The following SIPA1L1 variants were observed in gnomAD, a reference collection of about 807,000 sequenced individuals.
SIPA1L1 encodes the protein signal-induced proliferation-associated 1-like protein 1.
Under a neutral mutation model 162.7 loss-of-function variants are expected in SIPA1L1, and 26 were observed. The observed-to-expected ratio is 0.16, with a 90% CI of 0.12 to 0.22. The LOEUF (loss-of-function observed/expected upper bound fraction) is 0.22, where lower values mean the gene tolerates loss of function less well. Among genes scored for constraint, SIPA1L1 ranks in the 10% least tolerant of loss-of-function variants. The probability of loss-of-function intolerance (pLI) is 1.00; values close to 1 mark genes in which losing one functional copy is unlikely to be tolerated. For missense variants in SIPA1L1, 1,874 were observed against 2,241.0 expected (o/e 0.84, Z 3.31); for synonymous variants, 829 against 837.4 (o/e 0.99, Z 0.17).
At chr14:71,598,562 C>A (rs945895490) in intron 5 of SIPA1L1, among the ~76,000 whole-genome samples, 1 of 152,146 alleles carries the variant, frequency 6.6e-6, no homozygotes, top group Non-Finnish European at 1.5e-5. Flanking sequence ...CTCTTCAAAG[C>A]TGTCAAGGTC....
intron 2 of SIPA1L1, among the ~76,000 whole-genome samples, chr14:71,479,193 G>A (rs1196451531): frequency 3.3e-5 from 5 of 152,114 alleles, no homozygotes; most frequent in Middle Eastern, 3.4e-3. Flanking sequence ...GCCTGCTATC[G>A]TTTACTTTTC....
chr14:71,552,159 T>A (rs1303890203), intron 4 of SIPA1L1, among the ~76,000 whole-genome samples: 1 of 152,162 alleles, frequency 6.6e-6, no homozygotes, highest in African/African-American at 2.4e-5. Context: ...CCAGAAAATA[T>A]TATTAATTGT....
At chr14:71,659,348 C>G (rs967418045) in intron 9 of SIPA1L1, among the ~76,000 whole-genome samples, 1 of 152,174 alleles carries the variant, frequency 6.6e-6, no homozygotes, top group African/African-American at 2.4e-5. Context: ...TAATCTAACA[C>G]TTTATCAGTT....
intron 2 of SIPA1L1, among the ~76,000 whole-genome samples, chr14:71,449,624 T>C (rs2045665475): frequency 6.6e-6 from 1 of 152,212 alleles, no homozygotes; most frequent in African/African-American, 2.4e-5. Flanking sequence ...CTTAATTCTA[T>C]CTTAGGAACG....
intron 13 of SIPA1L1, among the ~76,000 whole-genome samples, chr14:71,689,860 A>C (rs1051439591): frequency 4.6e-5 from 7 of 152,138 alleles, no homozygotes; most frequent in Non-Finnish European, 1.0e-4. Context: ...TTCCTTACAG[A>C]CACCAGCACC....
intron 5 of SIPA1L1, among the ~76,000 whole-genome samples, chr14:71,607,014 G>T (rs1186239175): frequency 2.0e-5 from 3 of 151,896 alleles, no homozygotes; most frequent in Non-Finnish European, 4.4e-5. Flanking sequence ...CAAAAGATTG[G>T]CTAGATGATT....
At chr14:71,425,060 C>T (rs1171416508) in intron 2 of SIPA1L1, among the ~76,000 whole-genome samples, 1 of 151,966 alleles carries the variant, frequency 6.6e-6, no homozygotes, top group Admixed American at 6.6e-5. Context: ...CTTCATAGTG[C>T]ACTCTTATAA....
chr14:71,393,074 T>G (rs1595191946), intron 2 of SIPA1L1, among the ~76,000 whole-genome samples: 1 of 152,244 alleles, frequency 6.6e-6, no homozygotes, highest in Non-Finnish European at 1.5e-5. Context: ...TTGGTTGATT[T>G]AAACCTTTGA....
chr14:71,358,686 A>G (rs2037511799), intron 2 of SIPA1L1, among the ~76,000 whole-genome samples: 1 of 152,184 alleles, frequency 6.6e-6, no homozygotes, highest in South Asian at 2.1e-4. Context: ...AGACTGGGTA[A>G]TTTATAAAGA....
chr14:71,715,809 C>T (rs1404068166), intron 17 of SIPA1L1, among the ~76,000 whole-genome samples: 1 of 152,204 alleles, frequency 6.6e-6, no homozygotes, highest in Admixed American at 6.5e-5. Context: ...CATATTTTCT[C>T]TTCTCAAGCA....
At chr14:71,608,274 G>A (rs1446863147) in intron 5 of SIPA1L1, among the ~76,000 whole-genome samples, 5 of 152,174 alleles carry the variant, frequency 3.3e-5, no homozygotes, top group Admixed American at 6.5e-5. Context: ...CCTTGTTAGC[G>A]GTAGTGACTT....
chr14:71,503,508 A>C (rs2050410267), intron 2 of SIPA1L1, among the ~76,000 whole-genome samples: 1 of 152,214 alleles, frequency 6.6e-6, no homozygotes, highest in Non-Finnish European at 1.5e-5. Flanking sequence ...AACATTTAAA[A>C]ATTTGTAGTG....
intron 5 of SIPA1L1, among the ~76,000 whole-genome samples, chr14:71,593,094 C>T (rs924168185): frequency 2.0e-5 from 3 of 152,166 alleles, no homozygotes; most frequent in Non-Finnish European, 4.4e-5. Flanking sequence ...AAGTGATAGC[C>T]ACATCCTCCT....
chr14:71,616,033 G>A (rs920838879), intron 5 of SIPA1L1, among the ~76,000 whole-genome samples: 2 of 152,162 alleles, frequency 1.3e-5, no homozygotes, highest in East Asian at 1.9e-4. Context: ...CCAAAAAAAG[G>A]TCTCAGGCTT....
intron 4 of SIPA1L1, among the ~76,000 whole-genome samples, chr14:71,563,122 A>G (rs1258800302): frequency 1.3e-5 from 2 of 152,208 alleles, no homozygotes; most frequent in African/African-American, 4.8e-5. Context: ...GAGTAGACAT[A>G]CAATAAATAT....
intron 5 of SIPA1L1, among the ~76,000 whole-genome samples, chr14:71,590,036 AAAAAAAAAATAT>A (rs1190788401): frequency 0.012 from 856 of 74,134 alleles, 9 homozygotes; most frequent in African/African-American, 0.037. Context: ...AAAAAAAAAA[AAAAAAAAAATAT>A]ATATATATAT....
intron 12 of SIPA1L1, among the ~76,000 whole-genome samples, chr14:71,674,348 A>G (rs556430015): frequency 3.3e-5 from 5 of 152,148 alleles, no homozygotes; most frequent in African/African-American, 7.2e-5. Flanking sequence ...AGAAAGATGG[A>G]TAAGAGGCCT....
At chr14:71,616,607 T>C (rs1042325975) in intron 5 of SIPA1L1, among the ~76,000 whole-genome samples, 1 of 152,078 alleles carries the variant, frequency 6.6e-6, no homozygotes, top group Non-Finnish European at 1.5e-5. Flanking sequence ...CTTTGGATCA[T>C]ACAGAAAAAG....
Position 71,738,235 on chromosome 14 carries a change from T to C in SIPA1L1, c.5124-6T>C. 1 of 1,596,674 alleles carries C rather than the reference T, an allele frequency of 6.3e-7. No individual in the cohort carries two copies. Among genetic ancestry groups the C allele is most frequent in the Non-Finnish European group, 8.6e-7 (1 of 1,166,468 alleles). ...GCCAACATGGTCTTTTGTTTCTTGT[T>C]CCCAGCAGTAAAGACTCCTCTCCCA... On this transcript the variant is annotated splice_region_variant and splice_polypyrimidine_tract_variant and intron_variant, in intron 22 of 23. Transcript: ENST00000381232.
Sources: allele counts gnomAD v4.1 joint callset (sites outside exome capture counted in the v4.1 genomes callset), GRCh38; gene constraint gnomAD v4.1.1; transcripts MANE v1.5; gene names NCBI Gene and HGNC (gene_info 2026-07-23, HGNC 2026-07-21).